AHI1: variants seen among roughly 807,000 people sequenced by gnomAD.
The protein encoded by AHI1 is jouberin.
A neutral mutation model predicts 149.3 loss-of-function variants in AHI1; 123 were observed. The observed-to-expected ratio is 0.82, with a 90% CI of 0.71 to 0.96. AHI1 has a LOEUF of 0.96. Among genes scored for constraint, AHI1 ranks in the 40% least tolerant of loss-of-function variants. The probability of loss-of-function intolerance (pLI) is 0.00; values close to 1 mark genes in which losing one functional copy is unlikely to be tolerated. For missense variants in AHI1, 1,439 were observed against 1,422.7 expected (o/e 1.01, Z -0.18); for synonymous variants, 475 against 459.8 (o/e 1.03, Z -0.42).
intron 24 of AHI1, among the ~76,000 whole-genome samples, chr6:135,326,091 C>A (rs553982052): frequency 2.0e-5 from 3 of 152,322 alleles, no homozygotes; most frequent in African/African-American, 7.2e-5. Context: ...ATACACACAT[C>A]AATTTTGCAT....
At chr6:135,311,398 A>G (rs1455992367) in intron 26 of AHI1, among the ~76,000 whole-genome samples, 1 of 152,026 alleles carries the variant, frequency 6.6e-6, no homozygotes, top group East Asian at 1.9e-4. Context: ...TAAAAAATAG[A>G]CAAAGACGTG....
intron 22 of AHI1, among the ~76,000 whole-genome samples, chr6:135,400,209 C>A (rs1281773848): frequency 5.9e-5 from 9 of 151,962 alleles, no homozygotes; most frequent in Non-Finnish European, 1.5e-5. Context: ...AATTGAAAAA[C>A]ACTATTCTAC....
intron 23 of AHI1, among the ~76,000 whole-genome samples, chr6:135,386,920 C>T (rs1413709774): frequency 6.6e-6 from 1 of 152,074 alleles, no homozygotes; most frequent in East Asian, 1.9e-4. Context: ...AGCCACCCCA[C>T]CTGGCCTTTT....
chr6:135,290,607 C>A, intron 27 of AHI1, 82 bp from the exon 28 acceptor site: 1 of 1,449,554 alleles, frequency 6.9e-7, no homozygotes, highest in Non-Finnish European at 9.6e-7. Context: ...GATCTAGGGC[C>A]GTGGCAGTGG....
intron 23 of AHI1, among the ~76,000 whole-genome samples, chr6:135,364,417 C>G (rs945449533): frequency 1.4e-5 from 2 of 147,704 alleles, no homozygotes; most frequent in African/African-American, 5.1e-5. Context: ...ACTGGGCAGC[C>G]AGGCAGAGGG....
intron 5 of AHI1, among the ~76,000 whole-genome samples, chr6:135,475,876 G>A (rs1044434163): frequency 2.6e-5 from 4 of 152,060 alleles, no homozygotes; most frequent in Non-Finnish European, 5.9e-5. Context: ...TATCAAGCCC[G>A]GGGGTGGCCA....
At chr6:135,380,926 C>A (rs1776674349) in intron 23 of AHI1, among the ~76,000 whole-genome samples, 1 of 151,812 alleles carries the variant, frequency 6.6e-6, no homozygotes, top group South Asian at 2.1e-4. Context: ...TGAACATAAG[C>A]ATGATGATTT....
intron 24 of AHI1, among the ~76,000 whole-genome samples, chr6:135,354,348 A>G (rs1792626593): frequency 6.6e-6 from 1 of 152,158 alleles, no homozygotes; most frequent in Admixed American, 6.5e-5. Context: ...ACAGTACTCA[A>G]GACACTAGAA....
chr6:135,311,167 T>C (rs546385517), intron 26 of AHI1, among the ~76,000 whole-genome samples: 1 of 152,030 alleles, frequency 6.6e-6, no homozygotes, highest in Admixed American at 6.6e-5. Flanking sequence ...CAGGGCATGG[T>C]GGCCCACATC....
intron 28 of AHI1, among the ~76,000 whole-genome samples, chr6:135,289,354 G>A (rs1782057933): frequency 6.6e-6 from 1 of 151,886 alleles, no homozygotes; most frequent in African/African-American, 2.4e-5. Context: ...AATTAGCTGG[G>A]TGTGGTGACA....
intron 20 of AHI1, among the ~76,000 whole-genome samples, chr6:135,418,459 T>G (rs1782687016): frequency 6.6e-6 from 1 of 152,166 alleles, no homozygotes; most frequent in Admixed American, 6.6e-5. Context: ...ATTTATATAA[T>G]AAGCTTGGTG....
In AHI1 at chr6:135,358,123, C is replaced by CT; in HGVS notation, c.3165+8dup. ...ACACTTTTAACAACGTAGCAACAGA[C>CT]TGTCTTACCGTTGGTGCTGTATCTA... On this transcript the variant is annotated intron_variant, in intron 24 of 28. Transcript: ENST00000265602. 3 of 1,609,806 alleles carry CT rather than the reference C, an allele frequency of 1.9e-6. No individual in the cohort carries two copies. The highest frequency in any genetic ancestry group is 2.5e-6 in the Non-Finnish European group (3 of 1,177,116).
chr6:135,463,321 C>G lies in AHI1; in HGVS notation c.750-15G>C. The G allele has an allele frequency of 6.3e-7, 1 of 1,575,612 alleles. No individual in the cohort carries two copies. The highest frequency in any genetic ancestry group is 8.6e-7 in the Non-Finnish European group (1 of 1,161,972). ...TGGTCAATGTACTACAAATATAATC[C>G]AAGTATCAGCCATTACAGATATATT... On this transcript the variant is annotated splice_polypyrimidine_tract_variant and intron_variant, in intron 7 of 28. Coordinates refer to ENST00000265602, the MANE Select transcript of AHI1 (RefSeq NM_001134831.2).
chr6:135,305,472 T>A (rs1784433478), intron 26 of AHI1, among the ~76,000 whole-genome samples: 1 of 152,244 alleles, frequency 6.6e-6, no homozygotes, highest in Non-Finnish European at 1.5e-5. Flanking sequence ...TTGCAGGTGC[T>A]ATGAACTTTA....
chr6:135,417,517 C>T (rs1162183758), intron 20 of AHI1, among the ~76,000 whole-genome samples: 1 of 151,806 alleles, frequency 6.6e-6, no homozygotes, highest in African/African-American at 2.4e-5. Context: ...AAAAAAGTAA[C>T]AAAAAGCAGA....
chr6:135,363,637 G>A (rs1309556140), intron 23 of AHI1, among the ~76,000 whole-genome samples: 14 of 150,856 alleles, frequency 9.3e-5, no homozygotes, highest in South Asian at 2.1e-4. Context: ...GGGCAGAGGC[G>A]CCCCTCACCT....
intron 23 of AHI1, among the ~76,000 whole-genome samples, chr6:135,385,983 A>T (rs1383954244): frequency 1.3e-5 from 2 of 152,188 alleles, no homozygotes; most frequent in Non-Finnish European, 2.9e-5. Context: ...CAATGGGAGA[A>T]CACTGATCAC....
At chr6:135,398,205 A>G (rs1312918162) in intron 22 of AHI1, among the ~76,000 whole-genome samples, 1 of 152,168 alleles carries the variant, frequency 6.6e-6, no homozygotes, top group East Asian at 1.9e-4. Context: ...CTCATAATAT[A>G]AATTTTAAGA....
intron 24 of AHI1, among the ~76,000 whole-genome samples, chr6:135,345,169 A>T (rs1250881870): frequency 6.6e-6 from 1 of 152,154 alleles, no homozygotes; most frequent in Non-Finnish European, 1.5e-5. Flanking sequence ...TATAATACAA[A>T]ATCAGTAACA....
Sources: allele counts gnomAD v4.1 joint callset (sites outside exome capture counted in the v4.1 genomes callset), GRCh38; gene constraint gnomAD v4.1.1; transcripts MANE v1.5; gene names NCBI Gene and HGNC (gene_info 2026-07-23, HGNC 2026-07-21).